CCSER1: variants seen among roughly 807,000 people sequenced by gnomAD.
CCSER1 encodes the protein serine-rich coiled-coil domain-containing protein 1.
In CCSER1, 41 loss-of-function variants were observed where a neutral mutation model predicts 82.0. The ratio of observed to expected loss-of-function variants is 0.50; its 90% CI spans 0.39 to 0.65. CCSER1 has a LOEUF of 0.65. Ranked by LOEUF, CCSER1 falls within the 30% of genes least tolerant of loss-of-function variation. CCSER1 has a pLI of 0.00. For missense variants in CCSER1, 1,119 were observed against 1,064.2 expected, an observed-to-expected ratio of 1.05 and a Z score of -0.72; for synonymous variants, 414 against 383.9, an observed-to-expected ratio of 1.08 and a Z score of -0.92.
At chr4:90,785,638 C>T (rs1754408331) in intron 7 of CCSER1, among the ~76,000 whole-genome samples, 1 of 152,126 alleles carries the variant, frequency 6.6e-6, no homozygotes, top group Non-Finnish European at 1.5e-5. Flanking sequence ...GTACCATTTA[C>T]CTTTATGAAA....
intron 10 of CCSER1, among the ~76,000 whole-genome samples, chr4:91,468,245 C>T (rs968098775): frequency 2.0e-5 from 3 of 152,014 alleles, no homozygotes; most frequent in Non-Finnish European, 2.9e-5. Context: ...GGCAAACTAT[C>T]GCAAGGACAA....
intron 7 of CCSER1, among the ~76,000 whole-genome samples, chr4:90,791,704 G>T (rs1561142295): frequency 6.6e-6 from 1 of 151,494 alleles, no homozygotes; most frequent in East Asian, 2.0e-4. Context: ...CAAAAAATTA[G>T]CCAGCTACTT....
intron 3 of CCSER1, among the ~76,000 whole-genome samples, chr4:90,347,793 A>G (rs1405104918): frequency 1.3e-5 from 2 of 152,158 alleles, no homozygotes; most frequent in Non-Finnish European, 2.9e-5. Context: ...TAGAAAATAG[A>G]AGAAAATGTT....
chr4:91,572,033 G>C (rs189098945), intron 10 of CCSER1, among the ~76,000 whole-genome samples: 1 of 152,126 alleles, frequency 6.6e-6, no homozygotes, highest in Non-Finnish European at 1.5e-5. Flanking sequence ...TCAATTGCCC[G>C]TTAAGGCTCT....
intron 4 of CCSER1, among the ~76,000 whole-genome samples, chr4:90,426,356 A>G (rs1757529581): frequency 1.3e-5 from 2 of 152,236 alleles, no homozygotes; most frequent in South Asian, 4.1e-4. Context: ...AATGATGATC[A>G]GGGCTAAAAT....
intron 10 of CCSER1, among the ~76,000 whole-genome samples, chr4:91,589,979 AGTTC>A (rs1764190050): frequency 6.6e-6 from 1 of 152,024 alleles, no homozygotes; most frequent in African/African-American, 2.4e-5. Flanking sequence ...TTCTGCCTAG[AGTTC>A]ATTTACTCTA....
chr4:91,005,840 A>G (rs1561464453), intron 9 of CCSER1, among the ~76,000 whole-genome samples: 1 of 152,138 alleles, frequency 6.6e-6, no homozygotes, highest in Admixed American at 6.5e-5. Flanking sequence ...TTCTTTTCCA[A>G]TGTGTGTTCT....
intron 10 of CCSER1, among the ~76,000 whole-genome samples, chr4:91,592,854 G>T (rs147320153): frequency 1.9e-4 from 29 of 151,784 alleles, no homozygotes; most frequent in African/African-American, 6.8e-4. Context: ...GAGAACATTT[G>T]CAGGAAAAAT....
chr4:90,390,140 C>T (rs72883367), intron 3 of CCSER1, among the ~76,000 whole-genome samples: 29,547 of 152,026 alleles, frequency 0.19, 4,845 homozygotes, highest in African/African-American at 0.43. Context: ...CTAAAGTCTG[C>T]AGGAATCAAT....
intron 10 of CCSER1, among the ~76,000 whole-genome samples, chr4:91,192,981 G>T (rs1441373069): frequency 2.0e-5 from 3 of 151,950 alleles, no homozygotes; most frequent in Non-Finnish European, 2.9e-5. Context: ...ATTTCCAAAA[G>T]CTTAGCTAAC....
intron 7 of CCSER1, among the ~76,000 whole-genome samples, chr4:90,757,928 CT>C (rs1749793383): frequency 1.4e-5 from 2 of 145,670 alleles, no homozygotes; most frequent in South Asian, 2.2e-4. Flanking sequence ...TCCTTGTTTC[CT>C]TTTCTTTTTT....
At chr4:90,740,378 A>T (rs1746341337) in intron 7 of CCSER1, among the ~76,000 whole-genome samples, 1 of 152,178 alleles carries the variant, frequency 6.6e-6, no homozygotes, top group Non-Finnish European at 1.5e-5. Flanking sequence ...ACATAGTAAG[A>T]AAAATGAGAA....
chr4:91,305,196 G>A (rs1296629334), intron 10 of CCSER1, among the ~76,000 whole-genome samples: 1 of 151,990 alleles, frequency 6.6e-6, no homozygotes, highest in African/African-American at 2.4e-5. Context: ...TCATTCAAAA[G>A]TTTGTTTTTA....
At chr4:90,147,064 G>A (rs1725943057) in intron 1 of CCSER1, among the ~76,000 whole-genome samples, 1 of 151,460 alleles carries the variant, frequency 6.6e-6, no homozygotes. Context: ...CATTTGTTCA[G>A]TGATTTATTT....
intron 5 of CCSER1, among the ~76,000 whole-genome samples, chr4:90,551,867 A>G (rs1040456953): frequency 6.6e-6 from 1 of 151,986 alleles, no homozygotes; most frequent in Non-Finnish European, 1.5e-5. Flanking sequence ...TAACTTTTAA[A>G]GAGCAGACAT....
chr4:90,207,960 CA>C (rs1739219847), intron 1 of CCSER1, among the ~76,000 whole-genome samples: 1 of 152,156 alleles, frequency 6.6e-6, no homozygotes, highest in Non-Finnish European at 1.5e-5. Flanking sequence ...GTCTCCCAGT[CA>C]GGGGGAATGG....
At chr4:90,860,488 A>G (rs1278548641) in intron 8 of CCSER1, among the ~76,000 whole-genome samples, 1 of 151,652 alleles carries the variant, frequency 6.6e-6, no homozygotes. Flanking sequence ...TGATATGGTA[A>G]TAGTTTCTAC....
At chr4:90,260,952 G>A (rs537947172) in intron 1 of CCSER1, among the ~76,000 whole-genome samples, 1 of 152,252 alleles carries the variant, frequency 6.6e-6, no homozygotes, top group South Asian at 2.1e-4. Flanking sequence ...CTGACCTCAA[G>A]TGATCTGCTT....
chr4:91,442,811 A>G (rs1755273715), intron 10 of CCSER1, among the ~76,000 whole-genome samples: 2 of 151,882 alleles, frequency 1.3e-5, no homozygotes, highest in East Asian at 3.9e-4. Context: ...AAGTGGGCAA[A>G]GGACATGAAC....
Sources: gnomAD v4.1 joint callset for allele counts (sites outside exome capture counted in the v4.1 genomes callset) on GRCh38, gnomAD v4.1.1 for gene constraint, MANE v1.5 for transcripts, NCBI Gene and HGNC (gene_info 2026-07-23, HGNC 2026-07-21) for gene names.